The following TLL2 variants were observed in gnomAD, a reference collection of about 807,000 sequenced individuals.
TLL2 encodes the protein tolloid-like protein 2.
A neutral mutation model predicts 123.0 loss-of-function variants in TLL2; 106 were observed. The observed-to-expected ratio is 0.86, with a 90% CI of 0.74 to 1.01. TLL2 has a LOEUF of 1.01. TLL2 is among the 50% of genes least tolerant of loss of function. The pLI is 0.00. For missense variants in TLL2, 1,332 were observed against 1,336.7 expected, an observed-to-expected ratio of 1.00 and a Z score of 0.06; for synonymous variants, 494 against 516.8, an observed-to-expected ratio of 0.96 and a Z score of 0.60.
At chr10:96,464,896 G>A (rs535972638) in intron 2 of TLL2, among the ~76,000 whole-genome samples, 18 of 152,256 alleles carry the variant, frequency 1.2e-4, no homozygotes, top group Admixed American at 8.5e-4. Context: ...CTACACTCAG[G>A]GATTAAGTCT....
Position 96,433,248 on chromosome 10 carries a change from CTCTT to C in TLL2, c.365-290_365-287del, listed in dbSNP as rs113750549. Reference sequence around the variant, plus strand: ...TCAAATGGGCAGGGATACCTCACAGCTCTTTGGGTGGGGCTGAGGTTGGGGTGCA... The same window carrying C: ...TCAAATGGGCAGGGATACCTCACAGCTGGGTGGGGCTGAGGTTGGGGTGCA... On this transcript the variant is annotated intron_variant, in intron 3 of 20. Transcript: ENST00000357947. Among the ~76,000 whole-genome samples, 323 of 152,204 alleles carry C rather than the reference CTCTT, an allele frequency of 2.1e-3. 1 individual carries two copies. Among genetic ancestry groups the C allele is most frequent in the African/African-American group, 6.7e-3 (278 of 41,510 alleles).
intron 13 of TLL2, among the ~76,000 whole-genome samples, chr10:96,388,421 T>C (rs1377067292): frequency 1.3e-5 from 2 of 152,134 alleles, no homozygotes; most frequent in African/African-American, 4.8e-5. Flanking sequence ...AAAAAAGTTG[T>C]TCACCAAATC....
Position 96,397,227 on chromosome 10 carries a change from CTG to C in TLL2, c.1341_1342del (p.Ser447ArgfsTer36). The C allele has an allele frequency of 6.2e-7, 1 of 1,614,000 alleles. No homozygotes were observed. Among genetic ancestry groups the C allele is most frequent in the Non-Finnish European group, 8.5e-7 (1 of 1,179,902 alleles). Reference sequence around the variant, plus strand: ...GAAGCCCTTGCCCAAGATGTTGCTGCTGCTGCGGAACTCCACCCAGAGCCGGC... The same window carrying C: ...GAAGCCCTTGCCCAAGATGTTGCTGCCTGCGGAACTCCACCCAGAGCCGGC... On this transcript the variant is annotated frameshift_variant, in exon 11 of 21. Coordinates refer to ENST00000357947, the MANE Select transcript of TLL2 (RefSeq NM_012465.4). LOFTEE classifies it high-confidence loss of function.
intron 17 of TLL2, among the ~76,000 whole-genome samples, chr10:96,378,012 CTG>C (rs908476418): frequency 1.1e-4 from 16 of 152,350 alleles, no homozygotes; most frequent in African/African-American, 3.8e-4. Context: ...AGGGGCTTGA[CTG>C]TTCCTTCCCA....
chr10:96,437,544 C>T (rs1043717709), intron 3 of TLL2, among the ~76,000 whole-genome samples: 1 of 152,112 alleles, frequency 6.6e-6, no homozygotes, highest in Admixed American at 6.6e-5. Flanking sequence ...CAATATCTAC[C>T]CCTCTTTCCC....
rs191731144 is a variant in TLL2, at chr10:96,498,457, C to A, written c.175+15054G>T. Among the ~76,000 whole-genome samples, 68 of 152,284 alleles carry A rather than the reference C, an allele frequency of 4.5e-4. No homozygotes were observed. The Middle Eastern group carries it at 0.01, about 23-fold the overall frequency. On this transcript the variant is annotated intron_variant, in intron 1 of 20. Transcript: ENST00000357947. ...GATAACTTTCAGTCATGGTAGTGGG[C>A]CTGTTGCCATTTTGACTACATTTTC...
At chr10:96,486,972 C>T (rs1188108996) in intron 1 of TLL2, among the ~76,000 whole-genome samples, 2 of 152,214 alleles carry the variant, frequency 1.3e-5, no homozygotes, top group Non-Finnish European at 2.9e-5. Context: ...CAGGCTGATT[C>T]CCTTGCAGGG....
intron 11 of TLL2, 31 bp from the exon 12 acceptor site, chr10:96,396,051 G>A (rs757004053): frequency 5.3e-5 from 86 of 1,611,498 alleles, no homozygotes; most frequent in East Asian, 1.3e-4. Flanking sequence ...AGAGGAAGAC[G>A]GGGGCCCTGG....
rs187677019 is a variant in TLL2, at chr10:96,494,483, G to A, written c.176-14024C>T. 1.5e-3 allele frequency among the ~76,000 whole-genome samples: 222 copies of A among 152,264 alleles called. 1 individual carries two copies. Among genetic ancestry groups the A allele is most frequent in the African/African-American group, 5.0e-3 (206 of 41,546 alleles). On this transcript the variant is annotated intron_variant, in intron 1 of 20. Coordinates refer to ENST00000357947, the MANE Select transcript of TLL2 (RefSeq NM_012465.4). ...ACCAACAAACACCCGGGTTTTATCC[G>A]AGGAGAGTGGCCTGCAGGCCCACCT...
rs373823527 is a variant in TLL2 at position 96,421,004 on chromosome 10, G to A, written c.875C>T (p.Thr292Ile). 7.9e-5 allele frequency: 128 copies of A among 1,613,992 alleles called. No individual in the cohort carries two copies. The highest frequency in any genetic ancestry group is 1.6e-4 in the Middle Eastern group (1 of 6,082). Residue 292 changes from threonine (T) to isoleucine (I), a missense_variant, in exon 7 of 21, where the codon ACA becomes ATA. By Grantham distance (89) the Thr-to-Ile change is moderately conservative. Coordinates refer to ENST00000357947, the MANE Select transcript of TLL2 (RefSeq NM_012465.4). ...GTGCATGATGCTGTCAAAGTCGTAT[G>A]TCTCTCCCAGAGAGCTCACTTCCCC... Reference protein sequence around the residue: ...EAGEVSSLGETYDFDSIMHYA... With the variant: ...EAGEVSSLGEIYDFDSIMHYA...
chr10:96,406,984 C>T (rs144975061), intron 9 of TLL2, among the ~76,000 whole-genome samples: 6 of 152,042 alleles, frequency 3.9e-5, no homozygotes, highest in African/African-American at 9.7e-5. Flanking sequence ...TGCTCCCACA[C>T]GATTCCTGGA....
intron 2 of TLL2, among the ~76,000 whole-genome samples, chr10:96,476,216 T>TTATATATATATATATATATATATATATA (rs1466849863): frequency 6.0e-5 from 2 of 33,352 alleles, no homozygotes; most frequent in Non-Finnish European, 1.3e-4. Flanking sequence ...CTTTTTAATT[T>TTATATATATATATATATATATATATATA]TATATGTATA....
Position 96,370,258 on chromosome 10 carries a change from TG to T in TLL2, c.2719del (p.Gln907SerfsTer16), listed in dbSNP as rs752712632. On this transcript the variant is annotated frameshift_variant, in exon 20 of 21. Coordinates refer to ENST00000357947, the MANE Select transcript of TLL2 (RefSeq NM_012465.4). LOFTEE classifies it high-confidence loss of function. The part of the protein sequence containing the change: ...VQTKELYSHA[Q>X]FGDNNYPSEA... Reference sequence around the variant, plus strand: ...GCTCGGGTAGTTGTTGTCCCCAAACTGGGCGTGGGAATAGAGCTCTTTGGTC... The same window carrying T: ...GCTCGGGTAGTTGTTGTCCCCAAACTGGCGTGGGAATAGAGCTCTTTGGTC... 88 of 1,612,038 alleles carry T rather than the reference TG, an allele frequency of 5.5e-5. No individual in the cohort carries two copies. The highest frequency in any genetic ancestry group is 7.4e-5 in the Non-Finnish European group (87 of 1,178,930).
Position 96,373,759 on chromosome 10 carries a change from G to A in TLL2, c.2499C>T (p.His833=). 1 of 1,614,224 alleles carries A rather than the reference G, an allele frequency of 6.2e-7. No individual in the cohort carries two copies. The highest frequency in any genetic ancestry group is 8.5e-7 in the Non-Finnish European group (1 of 1,180,056). ...TGTCCGGCCCGTCATACATTTCCAG[G>A]TGGTCATAGGCACATTCCTGGTGCT... The part of the protein sequence containing the change: ...IEQHQECAYD[H]LEMYDGPDSL... Residue 833 remains histidine, a synonymous_variant, in exon 19 of 21, where the codon CAC becomes CAT. Transcript: ENST00000357947.
chr10:96,403,584 T>TG (rs1027319492), intron 10 of TLL2, among the ~76,000 whole-genome samples: 1 of 152,140 alleles, frequency 6.6e-6, no homozygotes, highest in African/African-American at 2.4e-5. Flanking sequence ...AAGGGCACAG[T>TG]GCACCTCTGC....
At position 96,445,057 on chromosome 10, in the gene TLL2, C is replaced by T. The variant is rs113470004; in HGVS notation, c.364+1034G>A. ...ACAAAACATTAGCCGGGCACGGTGG[C>T]GGGCGCCTGTAGTCCCAGCTACTCG... is the stretch of plus-strand genomic sequence containing the variant. On this transcript the variant is annotated intron_variant, in intron 3 of 20. Coordinates refer to ENST00000357947, the MANE Select transcript of TLL2 (RefSeq NM_012465.4). Among the ~76,000 whole-genome samples, 632 of 152,206 alleles carry T rather than the reference C, an allele frequency of 4.2e-3. 2 individuals carry two copies. Among genetic ancestry groups the T allele is most frequent in the African/African-American group, 0.012 (497 of 41,526 alleles).
intron 2 of TLL2, among the ~76,000 whole-genome samples, chr10:96,447,579 T>C (rs575294140): frequency 2.5e-4 from 38 of 152,322 alleles, no homozygotes; most frequent in African/African-American, 8.9e-4. Context: ...CAATGCCACC[T>C]GCCCTTGGAA....
chr10:96,439,903 C>A (rs936930934), intron 3 of TLL2, among the ~76,000 whole-genome samples: 1 of 152,126 alleles, frequency 6.6e-6, no homozygotes, highest in African/African-American at 2.4e-5. Flanking sequence ...CCTGTACGAG[C>A]CAACTTTTAA....
intron 10 of TLL2, among the ~76,000 whole-genome samples, chr10:96,400,357 C>CAAAAAAAAAAAAAAAAAAAAAAAAAAA (rs55975748): frequency 9.1e-6 from 1 of 109,894 alleles, no homozygotes; most frequent in Non-Finnish European, 1.8e-5. Flanking sequence ...CTACTACCAT[C>CAAAAAAAAAAAAAAAAAAAAAAAAAAA]AAAAAAAAAA....
Sources: allele counts gnomAD v4.1 joint callset (sites outside exome capture counted in the v4.1 genomes callset), GRCh38; gene constraint gnomAD v4.1.1; transcripts MANE v1.5; gene names NCBI Gene and HGNC (gene_info 2026-07-23, HGNC 2026-07-21).